Variants in CSMD1 observed in about 807,000 individuals in gnomAD.
CSMD1 encodes CUB and sushi domain-containing protein 1.
In CSMD1, 213 loss-of-function variants were observed where a neutral mutation model predicts 417.5. The ratio of observed to expected loss-of-function variants is 0.51; its 90% confidence interval spans 0.46 to 0.57. CSMD1 has a LOEUF of 0.57. Ranked by LOEUF, CSMD1 falls within the 20% of genes least tolerant of loss-of-function variation. The pLI is 0.00. For missense variants in CSMD1, 6,923 were observed against 4,529.7 expected (o/e 1.53, Z -15.17); for synonymous variants, 2,862 against 1,736.8 (o/e 1.65, Z -16.11).
At position 4,227,077 on chromosome 8, in the gene CSMD1, A is replaced by C. The variant is rs571570137; in HGVS notation, c.415+192876T>G. ...TGAACGACTCTGAAGGTGAAATAATAAATGACGCATGCCTGAGGTCTTTTC... is the reference window on the plus strand; with the variant it reads ...TGAACGACTCTGAAGGTGAAATAATCAATGACGCATGCCTGAGGTCTTTTC... On this transcript the variant is annotated intron_variant, in intron 3 of 69. Coordinates refer to ENST00000635120, the MANE Select transcript of CSMD1 (RefSeq NM_033225.6). Among the ~76,000 whole-genome samples the C allele has an allele frequency of 9.5e-4, 145 of 152,324 alleles. No homozygotes were observed. In the Middle Eastern group the frequency reaches 0.017, roughly 18 times the overall value.
chr8:3,758,193 A>T (rs1471219826), intron 5 of CSMD1, among the ~76,000 whole-genome samples: 1 of 152,026 alleles, frequency 6.6e-6, no homozygotes, highest in Non-Finnish European at 1.5e-5. Flanking sequence ...CAAACTCCTG[A>T]CCTCAGGTGA....
Position 2,978,593 on chromosome 8 carries a change from G to T in CSMD1, c.8566+19C>A. 6.4e-7 allele frequency: 1 copy of T among 1,559,874 alleles called. No homozygotes were observed. Among genetic ancestry groups the T allele is most frequent in the Non-Finnish European group, 8.7e-7 (1 of 1,151,686 alleles). ...TTGCAGGGGTCTCTGCACAGAAATT[G>T]GGAATAACCCTGACTTACCCAAACA... is the stretch of plus-strand genomic sequence containing the variant. On this transcript the variant is annotated intron_variant, in intron 55 of 69. Coordinates refer to ENST00000635120, the MANE Select transcript of CSMD1 (RefSeq NM_033225.6).
intron 3 of CSMD1, among the ~76,000 whole-genome samples, chr8:4,417,793 T>C (rs942446497): frequency 2.6e-5 from 4 of 152,044 alleles, no homozygotes; most frequent in Admixed American, 6.6e-5. Context: ...TTCATATACA[T>C]ATATATACAT....
chr8:4,399,743 T>G (rs973977294), intron 3 of CSMD1, among the ~76,000 whole-genome samples: 1 of 152,200 alleles, frequency 6.6e-6, no homozygotes, highest in East Asian at 1.9e-4. Flanking sequence ...ACTTTTGTTT[T>G]ATACATCAGG....
intron 2 of CSMD1, among the ~76,000 whole-genome samples, chr8:4,573,393 G>A (rs1798979852): frequency 6.6e-6 from 1 of 152,130 alleles, no homozygotes; most frequent in East Asian, 1.9e-4. Context: ...CTGCAGGTCT[G>A]CTGGAGTTTG....
At chr8:3,364,333 G>A (rs764380750) in intron 20 of CSMD1, among the ~76,000 whole-genome samples, 2 of 152,104 alleles carry the variant, frequency 1.3e-5, no homozygotes, top group Non-Finnish European at 2.9e-5. Context: ...CTTTCTGCTT[G>A]TGTGCAACTG....
intron 52 of CSMD1, among the ~76,000 whole-genome samples, chr8:3,010,836 C>G (rs1301314828): frequency 6.6e-6 from 1 of 151,760 alleles, no homozygotes; most frequent in African/African-American, 2.4e-5. Context: ...CTCCACCTCC[C>G]GGGTTCACGC....
chr8:4,740,090 C>G (rs1471313475), intron 1 of CSMD1, among the ~76,000 whole-genome samples: 1 of 152,020 alleles, frequency 6.6e-6, no homozygotes, highest in Non-Finnish European at 1.5e-5. Flanking sequence ...TCTGATGGCT[C>G]TCTGTCTCTA....
intron 2 of CSMD1, among the ~76,000 whole-genome samples, chr8:4,468,133 T>TA (rs1024761631): frequency 2.0e-5 from 3 of 152,210 alleles, no homozygotes; most frequent in Admixed American, 6.5e-5. Flanking sequence ...ACTTTTTGAC[T>TA]AAAAAAAGCC....
rs560128456 is a variant in CSMD1, at chr8:4,443,063, G to C, written c.303-22998C>G. Among the ~76,000 whole-genome samples the C allele has an allele frequency of 3.3e-5, 5 of 152,240 alleles. No homozygotes were observed. In the East Asian group the frequency reaches 7.7e-4, roughly 24 times the overall value. On this transcript the variant is annotated intron_variant, in intron 2 of 69. Coordinates refer to ENST00000635120, the MANE Select transcript of CSMD1 (RefSeq NM_033225.6). ...TAATTGTGAATATACAATTATTTGAGAAGAGTCAGAGGTGGTATCTGCCTT... is the reference window on the plus strand; with the variant it reads ...TAATTGTGAATATACAATTATTTGACAAGAGTCAGAGGTGGTATCTGCCTT...
chr8:3,311,899 A>G (rs1164794634), intron 23 of CSMD1, among the ~76,000 whole-genome samples: 1 of 152,230 alleles, frequency 6.6e-6, no homozygotes, highest in African/African-American at 2.4e-5. Context: ...GTTTATAGCT[A>G]TTAATGCTTT....
At chr8:3,841,910 G>T (rs1803162600) in intron 5 of CSMD1, among the ~76,000 whole-genome samples, 1 of 151,802 alleles carries the variant, frequency 6.6e-6, no homozygotes, top group South Asian at 2.1e-4. Context: ...CTTTCCCATG[G>T]GATGATCTTC....
chr8:4,284,095 T>A (rs1224578260), intron 3 of CSMD1, among the ~76,000 whole-genome samples: 1 of 152,116 alleles, frequency 6.6e-6, no homozygotes, highest in African/African-American at 2.4e-5. Flanking sequence ...TAGCTAGGCA[T>A]GGTGGCTCAC....
intron 57 of CSMD1, among the ~76,000 whole-genome samples, chr8:2,970,237 T>A (rs1339355307): frequency 2.6e-5 from 4 of 152,296 alleles, no homozygotes; most frequent in South Asian, 2.1e-4. Flanking sequence ...GAGGTGAGAT[T>A]GCTAAGGAAA....
chr8:4,829,029 G>T (rs911749550), intron 1 of CSMD1, among the ~76,000 whole-genome samples: 2 of 152,090 alleles, frequency 1.3e-5, no homozygotes, highest in Non-Finnish European at 2.9e-5. Context: ...GATACATTAT[G>T]ATATTGAAAA....
At chr8:3,867,781 G>C (rs1805205761) in intron 5 of CSMD1, among the ~76,000 whole-genome samples, 2 of 152,114 alleles carry the variant, frequency 1.3e-5, no homozygotes, top group Non-Finnish European at 2.9e-5. Context: ...GCAGCTTCCT[G>C]TATATGTGGA....
At chr8:3,468,872 A>G (rs1296982127) in intron 11 of CSMD1, 48 bp from the exon 12 acceptor site, 5 of 1,241,890 alleles carry the variant, frequency 4.0e-6, no homozygotes, top group African/African-American at 1.5e-5. Flanking sequence ...CAACAAGTAC[A>G]TCGACTTCCA....
intron 42 of CSMD1, among the ~76,000 whole-genome samples, chr8:3,113,638 C>T (rs533005042): frequency 7.2e-5 from 11 of 152,308 alleles, no homozygotes; most frequent in African/African-American, 1.4e-4. Flanking sequence ...TCAAATACCA[C>T]GGAGGCTTCC....
At chr8:4,056,403 T>C (rs1241998990) in intron 3 of CSMD1, among the ~76,000 whole-genome samples, 1 of 151,776 alleles carries the variant, frequency 6.6e-6, no homozygotes, top group African/African-American at 2.4e-5. Context: ...ATTTCTTTTT[T>C]TTTTCTTTTT....
Sources: allele counts gnomAD v4.1 joint callset (sites outside exome capture counted in the v4.1 genomes callset), GRCh38; gene constraint gnomAD v4.1.1; transcripts MANE v1.5; gene names NCBI Gene and HGNC (gene_info 2026-07-23, HGNC 2026-07-21).